The following RBKS variants were observed in gnomAD, a reference collection of about 807,000 sequenced individuals.
RBKS encodes the protein ribokinase.
A neutral mutation model predicts 33.9 loss-of-function variants in RBKS; 33 were observed. The observed-to-expected ratio is 0.97, with a 90% CI of 0.74 to 1.30. RBKS has a LOEUF of 1.30. Among genes scored for constraint, RBKS ranks in the 50% most tolerant of loss-of-function variants. The pLI, the probability that RBKS is intolerant of heterozygous loss-of-function variation, is 0.00. For synonymous variants in RBKS, 125 were observed against 143.0 expected (o/e 0.87, Z 0.90); for missense variants, 361 against 392.6 (o/e 0.92, Z 0.68).
At chr2:27,841,793 A>G (rs1441920257) in intron 5 of RBKS, among the ~76,000 whole-genome samples, 5 of 148,028 alleles carry the variant, frequency 3.4e-5, no homozygotes, top group Non-Finnish European at 7.5e-5. Context: ...TTAGTTTTGT[A>G]TCTTGAGAAA....
In RBKS at chr2:27,781,513, A is replaced by C; in HGVS notation, c.*102T>G. The stretch of plus-strand genomic sequence containing the variant: ...ACTTCGTAAAAGAACTAATATTTGC[A>C]AAGAAAGGGGACGAGGACATTTTCT... On this transcript the variant is annotated 3_prime_UTR_variant, in exon 8 of 8. Transcript: ENST00000302188. 2.2e-6 allele frequency: 2 copies of C among 900,136 alleles called. No homozygotes were observed. The highest frequency in any genetic ancestry group is 3.3e-6 in the Non-Finnish European group (2 of 600,210). 55.8% of individuals were successfully genotyped at this position (900,136 alleles called of 1,614,324 possible).
In RBKS at chr2:27,823,967, T is replaced by C. The variant is rs115093996; in HGVS notation, c.795+3600A>G. 4.4e-3 allele frequency among the ~76,000 whole-genome samples: 674 copies of C among 152,332 alleles called. 2 individuals are homozygous for C. Among genetic ancestry groups the C allele is most frequent in the Non-Finnish European group, 8.4e-3 (570 of 68,030 alleles). ...TGTTCTTTAGTATTACCCACAAGCT[T>C]GTCCGACCATTACCACTGATTCCAG... On this transcript the variant is annotated intron_variant, in intron 7 of 7. Transcript: ENST00000302188.
chr2:27,813,539 A>G (rs925773060), intron 7 of RBKS, among the ~76,000 whole-genome samples: 1 of 152,202 alleles, frequency 6.6e-6, no homozygotes, highest in African/African-American at 2.4e-5. Flanking sequence ...TGAACTGGGC[A>G]AAAGACCTGA....
intron 7 of RBKS, among the ~76,000 whole-genome samples, chr2:27,822,667 G>A (rs992429314): frequency 2.0e-5 from 3 of 152,212 alleles, no homozygotes; most frequent in Admixed American, 6.5e-5. Context: ...GAGTAGTTAT[G>A]GGACACCCAT....
chr2:27,876,101 G>A (rs1297264609), intron 1 of RBKS, among the ~76,000 whole-genome samples: 1 of 152,070 alleles, frequency 6.6e-6, no homozygotes, highest in Non-Finnish European at 1.5e-5. Context: ...ATTAAACATA[G>A]AATTACCATA....
At chr2:27,817,124 T>C (rs1170857311) in intron 7 of RBKS, among the ~76,000 whole-genome samples, 1 of 152,326 alleles carries the variant, frequency 6.6e-6, no homozygotes, top group East Asian at 1.9e-4. Context: ...GAACCAGAAC[T>C]CTTTTATTAT....
chr2:27,878,793 A>G (rs1664366738), intron 1 of RBKS, among the ~76,000 whole-genome samples: 1 of 152,046 alleles, frequency 6.6e-6, no homozygotes, highest in Admixed American at 6.5e-5. Context: ...GATGATGAGC[A>G]TTTTTTCATG....
intron 7 of RBKS, among the ~76,000 whole-genome samples, chr2:27,825,823 T>G (rs1308402468): frequency 1.3e-5 from 2 of 152,254 alleles, no homozygotes; most frequent in African/African-American, 4.8e-5. Flanking sequence ...GTGCTTCTGG[T>G]GCTTACAACC....
At chr2:27,835,176 T>TG (rs1025322136) in intron 5 of RBKS, among the ~76,000 whole-genome samples, 3 of 150,186 alleles carry the variant, frequency 2.0e-5, no homozygotes, top group Non-Finnish European at 4.4e-5. Flanking sequence ...CTCCAGAGGC[T>TG]GGGGCAGGAG....
At chr2:27,844,451 C>A (rs767874430) in intron 4 of RBKS, among the ~76,000 whole-genome samples, 1 of 151,932 alleles carries the variant, frequency 6.6e-6, no homozygotes, top group African/African-American at 2.4e-5. Flanking sequence ...GGAGTGCAGT[C>A]GTGCGATCTT....
chr2:27,820,549 TTCTCTCTCTCTCTC>T (rs10534268), intron 7 of RBKS, among the ~76,000 whole-genome samples: 123 of 147,972 alleles, frequency 8.3e-4, no homozygotes, highest in Non-Finnish European at 1.2e-3. Flanking sequence ...AGATTTACTA[TTCTCTCTCTCTCTC>T]TCTCTCTCTC....
chr2:27,820,467 A>C (rs960807162), intron 7 of RBKS, among the ~76,000 whole-genome samples: 1 of 152,226 alleles, frequency 6.6e-6, no homozygotes, highest in African/African-American at 2.4e-5. Flanking sequence ...TATTGCAAAC[A>C]AAGTTGAATT....
intron 1 of RBKS, among the ~76,000 whole-genome samples, chr2:27,867,629 C>G (rs1309767789): frequency 6.6e-6 from 1 of 152,046 alleles, no homozygotes; most frequent in Non-Finnish European, 1.5e-5. Context: ...TAAAATACTA[C>G]CTAAGCTCAG....
chr2:27,811,813 A>T (rs4233717), intron 7 of RBKS, among the ~76,000 whole-genome samples: 40,949 of 151,946 alleles, frequency 0.27, 6,463 homozygotes, highest in East Asian at 0.63. Context: ...CCGGGTAATC[A>T]TGGGGCTTGG....
chr2:27,783,970 A>ATTTTT (rs1677339552), intron 7 of RBKS, among the ~76,000 whole-genome samples: 2 of 104,524 alleles, frequency 1.9e-5, no homozygotes, highest in African/African-American at 7.2e-5. Flanking sequence ...TCTCAGGGTC[A>ATTTTT]TTTTCTTTTT....
intron 2 of RBKS, among the ~76,000 whole-genome samples, chr2:27,851,402 C>T (rs1317325998): frequency 6.6e-6 from 1 of 152,170 alleles, no homozygotes; most frequent in South Asian, 2.1e-4. Context: ...ATATTGTTGG[C>T]GATTTCATAT....
intron 7 of RBKS, among the ~76,000 whole-genome samples, chr2:27,796,726 G>A (rs1344634728): frequency 6.6e-6 from 1 of 152,146 alleles, no homozygotes; most frequent in African/African-American, 2.4e-5. Context: ...AGCAGCTGGC[G>A]AGATGACCCC....
intron 7 of RBKS, among the ~76,000 whole-genome samples, chr2:27,812,236 T>C (rs546328960): frequency 2.1e-4 from 32 of 152,098 alleles, no homozygotes; most frequent in African/African-American, 7.2e-4. Context: ...TGTGGAGAAA[T>C]AGGAACACTT....
At chr2:27,785,217 T>C (rs1245169946) in intron 7 of RBKS, among the ~76,000 whole-genome samples, 1 of 152,206 alleles carries the variant, frequency 6.6e-6, no homozygotes, top group Non-Finnish European at 1.5e-5. Context: ...TAACAGGTTT[T>C]TAATTTTATA....
Sources: allele counts gnomAD v4.1 joint callset (sites outside exome capture counted in the v4.1 genomes callset), GRCh38; gene constraint gnomAD v4.1.1; transcripts MANE v1.5; gene names NCBI Gene and HGNC (gene_info 2026-07-23, HGNC 2026-07-21).